Variants in TEN1 observed in about 807,000 individuals in gnomAD.
TEN1 encodes CST complex subunit TEN1.
Under a neutral mutation model 9.3 loss-of-function variants are expected in TEN1, and 6 were observed. The ratio of observed to expected loss-of-function variants is 0.65; its 90% CI spans 0.35 to 1.27. The LOEUF (loss-of-function observed/expected upper bound fraction) is 1.27. Among genes scored for constraint, TEN1 ranks in the 50% most tolerant of loss-of-function variants. The pLI is 0.03. For missense variants in TEN1, 149 were observed against 158.2 expected (o/e 0.94, Z 0.31); for synonymous variants, 65 against 65.6 (o/e 0.99, Z 0.04).
intron 1 of TEN1, among the ~76,000 whole-genome samples, chr17:75,980,095 G>A (rs1005502023): frequency 6.6e-6 from 1 of 152,132 alleles, no homozygotes; most frequent in Non-Finnish European, 1.5e-5. Context: ...CCAGCACTTT[G>A]GGAGGACGAG....
intron 3 of TEN1, among the ~76,000 whole-genome samples, chr17:75,995,958 G>C (rs1048221766): frequency 6.6e-6 from 1 of 152,118 alleles, no homozygotes; most frequent in African/African-American, 2.4e-5. Context: ...GGGGTGTGGT[G>C]GCTTGTGCTT....
chr17:75,986,341 C>G (rs1209377400), intron 2 of TEN1, 57 bp downstream of exon 2: 1 of 1,353,362 alleles, frequency 7.4e-7, no homozygotes, highest in Non-Finnish European at 1.0e-6. Context: ...ATGTCTTTCT[C>G]TACCTCCAAA....
At chr17:75,991,415 G>A (rs2066184998) in intron 2 of TEN1, 51 bp from the exon 3 acceptor site, 1 of 1,538,220 alleles carries the variant, frequency 6.5e-7, no homozygotes, top group Admixed American at 2.0e-5. Flanking sequence ...TTTGAGCGTG[G>A]TGGTGATTCT....
chr17:75,992,994 G>A (rs1337020478), intron 3 of TEN1, among the ~76,000 whole-genome samples: 1 of 144,322 alleles, frequency 6.9e-6, no homozygotes. Context: ...CAGAGTCTTG[G>A]TCTGCTGTCC....
rs1340313339 is a variant in TEN1, at chr17:75,979,242, T to C, written c.-276T>C. ...CCCGCCCCTTCTTTCTCCGTGGCCC[T>C]TTGGCGCGTGAGTGACAGCGGCCCA... On this transcript the variant is annotated 5_prime_UTR_variant, in exon 1 of 4. Coordinates refer to ENST00000397640, the MANE Select transcript of TEN1 (RefSeq NM_001113324.3). 2.2e-6 allele frequency: 2 copies of C among 909,440 alleles called. No homozygotes were observed. Among genetic ancestry groups the C allele is most frequent in the South Asian group, 1.5e-5 (1 of 67,610 alleles). 56.3% of individuals were successfully genotyped at this position (909,440 alleles called of 1,614,324 possible). A position where few individuals can be genotyped will look rare whatever the true frequency, so the allele number is the denominator to read the frequency against.
chr17:75,998,150 C>A (rs2066228230), intron 3 of TEN1, among the ~76,000 whole-genome samples: 1 of 150,518 alleles, frequency 6.6e-6, no homozygotes, highest in South Asian at 2.1e-4. Context: ...CTGCGCCTGG[C>A]CTTTTTCCTT....
chr17:75,988,775 C>G (rs961392248), intron 2 of TEN1, among the ~76,000 whole-genome samples: 3 of 151,514 alleles, frequency 2.0e-5, no homozygotes, highest in African/African-American at 7.3e-5. Flanking sequence ...TTAGCCAAGT[C>G]TTTTGTTTTT....
Position 75,992,802 on chromosome 17 carries a change from G to GTT in TEN1, c.250+1195_250+1196dup, listed in dbSNP as rs557899982. On this transcript the variant is annotated intron_variant, in intron 3 of 3. Transcript: ENST00000397640. Reference sequence around the variant, plus strand: ...GCTGGGATTACAGGCGTGAGCCACCGTTTTTTTTTTTTTTTTTAGACAGTG... The same window carrying GTT: ...GCTGGGATTACAGGCGTGAGCCACCGTTTTTTTTTTTTTTTTTTTAGACAGTG... Among the ~76,000 whole-genome samples, 171 of 122,090 alleles carry GTT rather than the reference G, an allele frequency of 1.4e-3. 1 individual carries two copies. The highest frequency in any genetic ancestry group is 0.011 in the Middle Eastern group (2 of 176). 80.1% of individuals were successfully genotyped at this position (122,090 alleles called of 152,430 possible). A position where few individuals can be genotyped will look rare whatever the true frequency, so the allele number is the denominator to read the frequency against.
At chr17:75,983,943 G>C (rs2066137519) in intron 1 of TEN1, among the ~76,000 whole-genome samples, 1 of 152,194 alleles carries the variant, frequency 6.6e-6, no homozygotes, top group Admixed American at 6.6e-5. Context: ...ATCTGCAGGA[G>C]TAACTGGGGA....
At chr17:75,997,918 G>A (rs941597385) in intron 3 of TEN1, among the ~76,000 whole-genome samples, 1 of 150,880 alleles carries the variant, frequency 6.6e-6, no homozygotes. Context: ...GCAGTGGCAC[G>A]ATCTCTGCTT....
At chr17:75,982,015 A>C (rs1374197586) in intron 1 of TEN1, among the ~76,000 whole-genome samples, 1 of 152,196 alleles carries the variant, frequency 6.6e-6, no homozygotes, top group Non-Finnish European at 1.5e-5. Flanking sequence ...CGACAGAGTG[A>C]GACTCTGTCT....
chr17:75,980,779 A>C (rs1037964369), intron 1 of TEN1, among the ~76,000 whole-genome samples: 1 of 152,200 alleles, frequency 6.6e-6, no homozygotes, highest in Admixed American at 6.5e-5. Flanking sequence ...AAACTACGAG[A>C]GATGCATAAC....
At chr17:75,985,546 C>T (rs567997040) in intron 1 of TEN1, among the ~76,000 whole-genome samples, 4 of 152,244 alleles carry the variant, frequency 2.6e-5, no homozygotes, top group Non-Finnish European at 5.9e-5. Context: ...TTTTTTGAGA[C>T]GGAGTCTCGC....
At chr17:75,988,449 C>T (rs2066165130) in intron 2 of TEN1, among the ~76,000 whole-genome samples, 1 of 150,630 alleles carries the variant, frequency 6.6e-6, no homozygotes, top group South Asian at 2.1e-4. Flanking sequence ...GTAGCCCCAG[C>T]TACTGGGGAG....
chr17:75,990,791 GA>G (rs34463013), intron 2 of TEN1, among the ~76,000 whole-genome samples: 59 of 123,392 alleles, frequency 4.8e-4, no homozygotes, highest in South Asian at 1.8e-3. Flanking sequence ...CTGGGATACA[GA>G]AAAAAAAAAA....
In TEN1 at chr17:75,991,595, C is replaced by G. The variant is rs374268204; in HGVS notation, c.222C>G (p.Ile74Met). 1.2e-5 allele frequency: 18 copies of G among 1,551,792 alleles called. No individual in the cohort carries two copies. Among genetic ancestry groups the G allele is most frequent in the South Asian group, 3.6e-5 (3 of 84,060 alleles). ...ACGCCCAGGTGGGCTCCCTGTACAT[C>G]GTCCTCGGGGAGCTCCAGCATCAGC... ...PFHAQVGSLY[I>M]VLGELQHQQD... Residue 74 changes from isoleucine (I) to methionine (M), a missense_variant, in exon 3 of 4, where the codon ATC (isoleucine) becomes ATG (methionine). Transcript: ENST00000397640.
chr17:75,979,382 T>G lies in TEN1; in HGVS notation c.-136T>G, dbSNP rs1598207363. ...ATCCTCGGGAAAGGGGCTCCGAAGG[T>G]CAAGAAACTGCCCTGCTGGGCGTCC... is the stretch of plus-strand genomic sequence containing the variant. On this transcript the variant is annotated 5_prime_UTR_variant, in exon 1 of 4. Transcript: ENST00000397640. 1 of 522,320 alleles carries G rather than the reference T, an allele frequency of 1.9e-6. No individual in the cohort carries two copies. The highest frequency in any genetic ancestry group is 2.0e-5 in the South Asian group (1 of 49,328). The allele number at this position is 522,320 out of a possible 1,614,324, so 32.4% of individuals were successfully genotyped here.
chr17:75,979,999 C>G (rs1242984349), intron 1 of TEN1, among the ~76,000 whole-genome samples: 1 of 151,936 alleles, frequency 6.6e-6, no homozygotes, highest in Admixed American at 6.6e-5. Context: ...TCTTTGCTTT[C>G]GCCATCACCG....
In TEN1 at chr17:76,000,125, G is replaced by C. The variant is rs2066245113; in HGVS notation, c.251-16G>C. ...GCCGCTCAGTCGCCGTTCGTGCCCT[G>C]GTGTTTGTCTTGCAGACAGAGGCTC... On this transcript the variant is annotated splice_polypyrimidine_tract_variant and intron_variant, in intron 3 of 3. Transcript: ENST00000397640. This position sits in a 1 kb window ranked among gnomAD's most constrained non-coding sequence, Gnocchi z 5.9. 2 of 1,549,794 alleles carry C rather than the reference G, an allele frequency of 1.3e-6. No individual in the cohort carries two copies. The highest frequency in any genetic ancestry group is 3.9e-5 in the Admixed American group (2 of 50,808).
Sources: allele counts gnomAD v4.1 joint callset (sites outside exome capture counted in the v4.1 genomes callset), GRCh38; gene constraint gnomAD v4.1.1; non-coding constraint Gnocchi (gnomAD v3.1); transcripts MANE v1.5; gene names NCBI Gene and HGNC (gene_info 2026-07-23, HGNC 2026-07-21).